The following CACNB1 variants were observed in gnomAD, a reference collection of about 807,000 sequenced individuals.
The protein encoded by CACNB1 is calcium voltage-gated channel auxiliary subunit beta 1, also known as voltage-dependent L-type calcium channel subunit beta-1.
A neutral mutation model predicts 71.6 loss-of-function variants in CACNB1; 29 were observed. That is an observed-to-expected ratio of 0.40 (90% CI 0.30 to 0.55). The LOEUF is 0.55. Ranked by LOEUF, CACNB1 falls within the 20% of genes least tolerant of loss-of-function variation. The pLI, the probability that CACNB1 is intolerant of heterozygous loss-of-function variation, is 0.38. For synonymous variants in CACNB1, 300 were observed against 319.6 expected (o/e 0.94, Z 0.65); for missense variants, 623 against 801.8 (o/e 0.78, Z 2.69).
At position 39,175,663 on chromosome 17, in the gene CACNB1, T is replaced by C; in HGVS notation, c.1333-6A>G. On this transcript the variant is annotated splice_polypyrimidine_tract_variant and splice_region_variant and intron_variant, in intron 13 of 13. Coordinates refer to ENST00000394303, the MANE Select transcript of CACNB1 (RefSeq NM_000723.5). The surrounding 1 kb of genome is among the most constrained non-coding windows in gnomAD (Gnocchi z 4.7). ...CCGGAAGCAAGGTAGGGTCCCTGGT[T>C]AGCAGACGGACAGCACACACCATGC... The C allele has an allele frequency of 6.4e-7, 1 of 1,551,008 alleles. No individual in the cohort carries two copies. Among genetic ancestry groups the C allele is most frequent in the Non-Finnish European group, 8.7e-7 (1 of 1,147,600 alleles).
At position 39,186,806 on chromosome 17, in the gene CACNB1, G is replaced by A. The variant is rs759311351; in HGVS notation, c.538C>T (p.Arg180Cys). ...LLQEQKLRQN[R>C]LGSSKSGDNS... ...CCACCCAGACACCTGGAGCCGAGGC[G>A]GTTCTGGCGCAGCTTCTGTTCCTGC... The change falls in exon 5 of 14, where the codon CGC becomes TGC. Residue 180 changes from arginine (R) to cysteine (C), a missense_variant. Coordinates refer to ENST00000394303, the MANE Select transcript of CACNB1 (RefSeq NM_000723.5). The surrounding 1 kb of genome is among the most constrained non-coding windows in gnomAD (Gnocchi z 4.1). 61 of 1,613,810 alleles carry A rather than the reference G, an allele frequency of 3.8e-5. No homozygotes were observed. Among genetic ancestry groups the A allele is most frequent in the Non-Finnish European group, 4.7e-5 (55 of 1,179,986 alleles).
chr17:39,191,360 G>A lies in CACNB1; in HGVS notation c.291+114C>T, dbSNP rs965931377. 3.0e-6 allele frequency: 3 copies of A among 996,348 alleles called. No individual in the cohort carries two copies. The East Asian group carries it at 7.9e-5, about 26-fold the overall frequency. The allele number at this position is 996,348 out of a possible 1,614,324, so 61.7% of individuals were successfully genotyped here. ...TGAAGGACAGAGGAGCAAGGTTCAG[G>A]GGTACTAGGAAGTGGCTGGGTCAAG... On this transcript the variant is annotated intron_variant, in intron 3 of 13. Transcript: ENST00000394303.
Position 39,175,111 on chromosome 17 carries a change from A to T in CACNB1, c.*82T>A. The T allele has an allele frequency of 8.8e-7, 1 of 1,141,488 alleles. No individual in the cohort carries two copies. The highest frequency in any genetic ancestry group is 1.3e-6 in the Non-Finnish European group (1 of 791,462). 70.7% of individuals were successfully genotyped at this position (1,141,488 alleles called of 1,614,324 possible). ...AGGGAGACAGCGCCCCCTGGAGGCG[A>T]ATACATGTCAGGTGTGAGCCCCTCG... On this transcript the variant is annotated 3_prime_UTR_variant, in exon 14 of 14. Transcript: ENST00000394303. The surrounding 1 kb of genome is among the most constrained non-coding windows in gnomAD (Gnocchi z 4.7).
Position 39,175,303 on chromosome 17 carries a change from G to T in CACNB1, c.1687C>A (p.Arg563=), listed in dbSNP as rs748910980. 4.3e-6 allele frequency: 7 copies of T among 1,614,040 alleles called. No homozygotes were observed. In the Admixed American group the frequency reaches 5.0e-5, roughly 12 times the overall value. ...CGGGCCTTATTCCGGCCCCGGTTCC[G>T]GTTGTCGGTCAGCTCTTCCTCATAG... The part of the protein sequence containing the change: ...EDYEEELTDN[R]NRGRNKARYC... The change falls in exon 14 of 14, where the codon CGG becomes AGG. Residue 563 remains arginine (R), a synonymous_variant. Coordinates refer to ENST00000394303, the MANE Select transcript of CACNB1 (RefSeq NM_000723.5). This position sits in a 1 kb window ranked among gnomAD's most constrained non-coding sequence, Gnocchi z 4.7.
chr17:39,181,944 C>T (rs183307672), intron 11 of CACNB1, among the ~76,000 whole-genome samples: 5 of 152,086 alleles, frequency 3.3e-5, no homozygotes, highest in South Asian at 2.1e-4. Context: ...CGGTGGATCA[C>T]GAGGTCAGGA....
In CACNB1 at chr17:39,177,990, G is replaced by A. The variant is rs3744353; in HGVS notation, c.1140C>T (p.Cys380=). The A allele has an allele frequency of 0.044, 71,503 of 1,611,688 alleles. 1,822 individuals are homozygous for A. The highest frequency in any genetic ancestry group is 0.076 in the East Asian group (3,422 of 44,856). Residue 380 remains cysteine (C), a synonymous_variant, in exon 12 of 14, where the codon TGC becomes TGT. Transcript: ENST00000394303. ...QIAASEKLAQ[C]PPEMFDIILD... is the part of the protein sequence containing the mutation. Reference sequence around the variant, plus strand: ...CTGGGATCTAGGCACTCACAGGGGGGCACTGTGCCAGCTTTTCCGAGGCCG... The same window carrying A: ...CTGGGATCTAGGCACTCACAGGGGGACACTGTGCCAGCTTTTCCGAGGCCG...
intron 11 of CACNB1, 150 bp downstream of exon 11, chr17:39,183,563 A>T (rs2045846525): frequency 4.4e-6 from 3 of 674,958 alleles, no homozygotes; most frequent in Non-Finnish European, 7.4e-6. Context: ...AGGTTGAAAC[A>T]CTTGACAATA....
At chr17:39,187,408 C>CT in intron 4 of CACNB1, 71 bp downstream of exon 4, 1 of 1,587,034 alleles carries the variant, frequency 6.3e-7, no homozygotes, top group Non-Finnish European at 8.6e-7. Flanking sequence ...GCTCAGAAGC[C>CT]TTTTGTCCAC....
At position 39,191,524 on chromosome 17, in the gene CACNB1, A is replaced by G; in HGVS notation, c.241T>C (p.Leu81=). The change falls in exon 3 of 14, where the codon TTA becomes CTA. Residue 81 remains leucine, a synonymous_variant. Coordinates refer to ENST00000394303, the MANE Select transcript of CACNB1 (RefSeq NM_000723.5). Reference sequence around the variant, plus strand: ...GCCTGGCGCTCTGCTTCCTTCCTTAAGGCTTCCCGGTCCTCCTCCAGAGAT... The same window carrying G: ...GCCTGGCGCTCTGCTTCCTTCCTTAGGGCTTCCCGGTCCTCCTCCAGAGAT... The part of the protein sequence containing the change: ...DVSLEEDREA[L]RKEAERQALA... 3 of 1,609,908 alleles carry G rather than the reference A, an allele frequency of 1.9e-6. No homozygotes were observed. In the South Asian group the frequency reaches 3.3e-5, roughly 18 times the overall value.
intron 11 of CACNB1, among the ~76,000 whole-genome samples, chr17:39,181,352 C>G (rs1452223060): frequency 6.6e-6 from 1 of 152,156 alleles, no homozygotes; most frequent in Non-Finnish European, 1.5e-5. Flanking sequence ...CCTCGGGCTC[C>G]CAAGGTGCTG....
intron 9 of CACNB1, 47 bp downstream of exon 9, chr17:39,184,278 C>T: frequency 7.3e-7 from 1 of 1,363,082 alleles, no homozygotes; most frequent in Non-Finnish European, 1.0e-6. Context: ...CCATCCCCAG[C>T]AGCAGAGAGC....
chr17:39,175,704 G>A lies in CACNB1; in HGVS notation c.1333-47C>T. ...CACACCATGCAGATCAGGCAGGGGT[G>A]AGAAAAACACAACAAAGCAAGGCAA... On this transcript the variant is annotated intron_variant, in intron 13 of 13. Transcript: ENST00000394303. This position sits in a 1 kb window ranked among gnomAD's most constrained non-coding sequence, Gnocchi z 4.7. The A allele has an allele frequency of 1.4e-6, 2 of 1,406,368 alleles. No individual in the cohort carries two copies. Among genetic ancestry groups the A allele is most frequent in the South Asian group, 2.7e-5 (2 of 73,238 alleles). The allele number at this position is 1,406,368 out of a possible 1,614,324, so 87.1% of individuals were successfully genotyped here.
intron 11 of CACNB1, 137 bp downstream of exon 11, chr17:39,183,576 A>G: frequency 1.4e-6 from 1 of 728,240 alleles, no homozygotes; most frequent in South Asian, 1.9e-5. Flanking sequence ...TGACAATACG[A>G]TGGAGCTTTA....
At chr17:39,183,589 G>A (rs919017779) in intron 11 of CACNB1, 124 bp downstream of exon 11, 3 of 806,448 alleles carry the variant, frequency 3.7e-6, no homozygotes, top group Non-Finnish European at 5.8e-6. Flanking sequence ...GAGCTTTACA[G>A]AGAAGGAAAC....
At position 39,197,523 on chromosome 17, in the gene CACNB1, G is replaced by A; in HGVS notation, c.-28C>T. 6.8e-7 allele frequency: 1 copy of A among 1,469,898 alleles called. No homozygotes were observed. The highest frequency in any genetic ancestry group is 1.5e-5 in the African/African-American group (1 of 67,664). 91.1% of individuals were successfully genotyped at this position (1,469,898 alleles called of 1,614,324 possible). On this transcript the variant is annotated 5_prime_UTR_variant, in exon 1 of 14. Transcript: ENST00000394303. ...AGAGGAGCCTCCCCTCCCGCCGCCGGCCCGGCCCAGCCGGGCTCCCTCAGC... is the reference window on the plus strand; with the variant it reads ...AGAGGAGCCTCCCCTCCCGCCGCCGACCCGGCCCAGCCGGGCTCCCTCAGC...
chr17:39,196,208 C>A (rs1306537980), intron 1 of CACNB1, among the ~76,000 whole-genome samples: 2 of 152,076 alleles, frequency 1.3e-5, no homozygotes, highest in African/African-American at 2.4e-5. Flanking sequence ...GAGAGGAGGG[C>A]CCCTGGGGAC....
chr17:39,177,305 G>A (rs1017886531), intron 13 of CACNB1, 45 bp downstream of exon 13: 3 of 1,611,104 alleles, frequency 1.9e-6, no homozygotes, highest in East Asian at 4.5e-5. Flanking sequence ...ACTCCAGCCC[G>A]CCCCAGAAGC....
At chr17:39,177,245 C>A in intron 13 of CACNB1, 105 bp downstream of exon 13, 1 of 1,590,414 alleles carries the variant, frequency 6.3e-7, no homozygotes, top group Non-Finnish European at 8.6e-7. Flanking sequence ...AGGGCGCCCA[C>A]TACATGGCAT....
chr17:39,177,581 G>A (rs781530095), intron 12 of CACNB1, 46 bp from the exon 13 acceptor site: 2 of 1,497,048 alleles, frequency 1.3e-6, no homozygotes, highest in East Asian at 2.3e-5. Context: ...AGTGGGGCAT[G>A]GCCAAGGGGG....
Sources: allele counts gnomAD v4.1 joint callset (sites outside exome capture counted in the v4.1 genomes callset), GRCh38; gene constraint gnomAD v4.1.1; non-coding constraint Gnocchi (gnomAD v3.1); transcripts MANE v1.5; gene names NCBI Gene and HGNC (gene_info 2026-07-23, HGNC 2026-07-21).